SKAP1: variants seen among roughly 807,000 people sequenced by gnomAD.
The protein encoded by SKAP1 is src kinase-associated phosphoprotein 1.
A neutral mutation model predicts 58.5 loss-of-function variants in SKAP1; 44 were observed. The ratio of observed to expected loss-of-function variants is 0.75; its 90% CI spans 0.59 to 0.97. SKAP1 has a LOEUF of 0.97. Among genes scored for constraint, SKAP1 ranks in the 50% least tolerant of loss-of-function variants. SKAP1 has a pLI of 0.00. For synonymous variants in SKAP1, 127 were observed against 149.7 expected (o/e 0.85, Z 1.11); for missense variants, 390 against 435.2 (o/e 0.90, Z 0.92).
chr17:48,392,663 C>T (rs1296606973), intron 2 of SKAP1, among the ~76,000 whole-genome samples: 3 of 151,614 alleles, frequency 2.0e-5, no homozygotes, highest in African/African-American at 7.3e-5. Context: ...GAGAGACCAG[C>T]CTGGCCAACA....
intron 2 of SKAP1, among the ~76,000 whole-genome samples, chr17:48,392,864 T>A (rs61473203): frequency 0.028 from 2,656 of 94,924 alleles, 25 homozygotes; most frequent in Middle Eastern, 0.048. Context: ...TCAAAAAAAA[T>A]ATATATATAT....
chr17:48,270,500 G>C (rs1012789739), intron 4 of SKAP1, among the ~76,000 whole-genome samples: 2 of 151,828 alleles, frequency 1.3e-5, no homozygotes, highest in African/African-American at 4.8e-5. Flanking sequence ...CGCGCCACAT[G>C]CCTGGCTAAT....
At chr17:48,181,403 G>C (rs144615197) in intron 8 of SKAP1, among the ~76,000 whole-genome samples, 4 of 152,264 alleles carry the variant, frequency 2.6e-5, no homozygotes, top group Non-Finnish European at 5.9e-5. Context: ...CTAGATGAGA[G>C]TGTACCCTGT....
chr17:48,361,159 A>T (rs991760814), intron 3 of SKAP1, among the ~76,000 whole-genome samples: 1 of 151,654 alleles, frequency 6.6e-6, no homozygotes, highest in Non-Finnish European at 1.5e-5. Context: ...TAAATGGGTA[A>T]ATTTTATGGT....
intron 4 of SKAP1, among the ~76,000 whole-genome samples, chr17:48,215,039 G>A (rs2064922130): frequency 6.6e-6 from 1 of 152,002 alleles, no homozygotes; most frequent in South Asian, 2.1e-4. Flanking sequence ...TCCTGCCTCA[G>A]CCTCTCCAAG....
intron 4 of SKAP1, among the ~76,000 whole-genome samples, chr17:48,344,762 T>G (rs1042968393): frequency 8.5e-5 from 13 of 152,284 alleles, no homozygotes; most frequent in African/African-American, 2.6e-4. Flanking sequence ...ATAAAATGTT[T>G]CTGTGTGATT....
intron 10 of SKAP1, among the ~76,000 whole-genome samples, chr17:48,168,365 C>T (rs538278178): frequency 6.6e-6 from 1 of 152,208 alleles, no homozygotes; most frequent in South Asian, 2.1e-4. Flanking sequence ...CATGTTAACA[C>T]CTGAGAAAAG....
intron 4 of SKAP1, among the ~76,000 whole-genome samples, chr17:48,291,860 C>T (rs952579508): frequency 3.4e-4 from 52 of 152,244 alleles, no homozygotes; most frequent in African/African-American, 1.2e-3. Flanking sequence ...GGACTGCATA[C>T]TAGCGTTAAT....
At chr17:48,216,626 C>A (rs530808405) in intron 4 of SKAP1, among the ~76,000 whole-genome samples, 1 of 151,894 alleles carries the variant, frequency 6.6e-6, no homozygotes, top group South Asian at 2.1e-4. Flanking sequence ...AGAGTAGCTG[C>A]GACTACAGGT....
chr17:48,184,835 T>C lies in SKAP1; in HGVS notation c.455A>G (p.Lys152Arg). 15 of 1,613,444 alleles carry C rather than the reference T, an allele frequency of 9.3e-6. No individual in the cohort carries two copies. Among genetic ancestry groups the C allele is most frequent in the Non-Finnish European group, 1.3e-5 (15 of 1,179,658 alleles). Residue 152 changes from lysine (K) to arginine (R), a missense_variant, in exon 7 of 13, where the codon AAA becomes AGA. Lys to Arg is a conservative substitution (Grantham distance 26). Coordinates refer to ENST00000336915, the MANE Select transcript of SKAP1 (RefSeq NM_003726.4). ...YYANEKSKQP[K>R]GTFLIKGYGV... ...GTAGCCCTTAATGAGGAAGGTCCCTTTGGGCTGCTTGCCTGCAAGACAGGA... is the reference window on the plus strand; with the variant it reads ...GTAGCCCTTAATGAGGAAGGTCCCTCTGGGCTGCTTGCCTGCAAGACAGGA...
chr17:48,389,432 G>A (rs1260789286), intron 2 of SKAP1, among the ~76,000 whole-genome samples: 1 of 152,236 alleles, frequency 6.6e-6, no homozygotes, highest in Non-Finnish European at 1.5e-5. Context: ...CACGCCTGGG[G>A]CGATAGGCTG....
At chr17:48,136,559 A>C (rs991739641) in intron 12 of SKAP1, 1 of 152,288 alleles carries the variant, frequency 6.6e-6, no homozygotes, top group African/African-American at 2.4e-5. Flanking sequence ...CCTTGAGGTA[A>C]CCTTGAGAAT....
At chr17:48,190,296 T>C (rs1277482992) in intron 4 of SKAP1, among the ~76,000 whole-genome samples, 1 of 151,748 alleles carries the variant, frequency 6.6e-6, no homozygotes, top group Non-Finnish European at 1.5e-5. Flanking sequence ...GTATTTTTAG[T>C]AGATATGGGG....
intron 4 of SKAP1, among the ~76,000 whole-genome samples, chr17:48,315,506 A>G (rs928850646): frequency 9.9e-5 from 15 of 152,236 alleles, no homozygotes; most frequent in Admixed American, 1.3e-4. Context: ...TCTCTCATGT[A>G]GAACAGTGAT....
intron 8 of SKAP1, 42 bp downstream of exon 8, chr17:48,182,352 G>T: frequency 7.1e-7 from 1 of 1,400,798 alleles, no homozygotes. Context: ...AACTTCAACT[G>T]CAAATCAACT....
chr17:48,273,327 T>C (rs2065657514), intron 4 of SKAP1, among the ~76,000 whole-genome samples: 1 of 152,218 alleles, frequency 6.6e-6, no homozygotes, highest in Non-Finnish European at 1.5e-5. Context: ...TTTATAATTT[T>C]CAACCTCCAC....
chr17:48,424,012 T>C (rs1236462538), intron 1 of SKAP1, among the ~76,000 whole-genome samples: 1 of 152,142 alleles, frequency 6.6e-6, no homozygotes, highest in African/African-American at 2.4e-5. Context: ...CACTTAACGA[T>C]TGTCTTATTC....
chr17:48,424,598 T>G (rs929876732), intron 1 of SKAP1, among the ~76,000 whole-genome samples: 1 of 151,894 alleles, frequency 6.6e-6, no homozygotes, highest in Non-Finnish European at 1.5e-5. Context: ...ATAAAAATTT[T>G]GGCAAATCAC....
intron 4 of SKAP1, among the ~76,000 whole-genome samples, chr17:48,234,700 C>A (rs1175280327): frequency 6.6e-6 from 1 of 151,832 alleles, no homozygotes; most frequent in African/African-American, 2.4e-5. Context: ...GAAATACATT[C>A]TATTTTCAAG....
Sources: allele counts gnomAD v4.1 joint callset (sites outside exome capture counted in the v4.1 genomes callset), GRCh38; gene constraint gnomAD v4.1.1; transcripts MANE v1.5; gene names NCBI Gene and HGNC (gene_info 2026-07-23, HGNC 2026-07-21).